Variants in SRRD observed in about 807,000 individuals in gnomAD.
SRRD encodes SRR1-like protein.
In SRRD, 28 loss-of-function variants were observed where a neutral mutation model predicts 30.7. The observed-to-expected ratio is 0.91, with a 90% CI of 0.68 to 1.25. SRRD has a LOEUF of 1.25. Ranked by LOEUF, SRRD falls within the 50% of genes most tolerant of loss-of-function variation. The pLI is 0.00. For missense variants in SRRD, 415 were observed against 417.3 expected, an observed-to-expected ratio of 0.99 and a Z score of 0.05; for synonymous variants, 161 against 159.6, an observed-to-expected ratio of 1.01 and a Z score of -0.07.
Position 26,492,132 on chromosome 22 carries a change from T to G in SRRD, c.*460T>G. The G allele has an allele frequency of 6.2e-7, 1 of 1,614,128 alleles. No individual in the cohort carries two copies. The highest frequency in any genetic ancestry group is 8.5e-7 in the Non-Finnish European group (1 of 1,180,012). ...ATGCGGCCAAAGGTGTAGAGCTGCT[T>G]CCCTTCGTGTCGCTTCCCAATGACG... On this transcript the variant is annotated 3_prime_UTR_variant, in exon 7 of 7. Transcript: ENST00000215917.
Position 26,494,543 on chromosome 22 carries a change from G to A in SRRD, c.*2871G>A. On this transcript the variant is annotated 3_prime_UTR_variant, in exon 7 of 7. Transcript: ENST00000215917. Reference sequence around the variant, plus strand: ...TCAGCTTCCATGTCTACACAACAGGGATACCATATCCCCTACCCCATAGGG... The same window carrying A: ...TCAGCTTCCATGTCTACACAACAGGAATACCATATCCCCTACCCCATAGGG... 1.4e-6 allele frequency: 1 copy of A among 698,274 alleles called. No homozygotes were observed. The highest frequency in any genetic ancestry group is 2.4e-6 in the Non-Finnish European group (1 of 424,660). 43.3% of individuals were successfully genotyped at this position (698,274 alleles called of 1,614,324 possible). A position where few individuals can be genotyped will look rare whatever the true frequency, so the allele number is the denominator to read the frequency against.
In SRRD at chr22:26,494,084, T is replaced by A; in HGVS notation, c.*2412T>A. The A allele has an allele frequency of 1.3e-6, 2 of 1,592,224 alleles. No individual in the cohort carries two copies. Among genetic ancestry groups the A allele is most frequent in the Admixed American group, 3.4e-5 (2 of 58,760 alleles). On this transcript the variant is annotated 3_prime_UTR_variant, in exon 7 of 7. Coordinates refer to ENST00000215917, the MANE Select transcript of SRRD (RefSeq NM_001013694.3). ...AAACTCTGATTCTGTGTCATTTACA[T>A]GTGTAAAATCTGAAACTTGGGGCCA...
chr22:26,493,503 C>T lies in SRRD; in HGVS notation c.*1831C>T, dbSNP rs1921494988. 6.5e-6 allele frequency: 1 copy of T among 152,768 alleles called. No homozygotes were observed. Among genetic ancestry groups the T allele is most frequent in the African/African-American group, 2.4e-5 (1 of 41,446 alleles). 9.5% of individuals were successfully genotyped at this position (152,768 alleles called of 1,614,324 possible). On this transcript the variant is annotated 3_prime_UTR_variant, in exon 7 of 7. Coordinates refer to ENST00000215917, the MANE Select transcript of SRRD (RefSeq NM_001013694.3). ...TCGGCTAATGAGCAACACTGGAGCA[C>T]AGGACTGGTTGAAATAGGCTCCCAA...
At chr22:26,484,821 CTTA>C (rs1408370556) in intron 1 of SRRD, among the ~76,000 whole-genome samples, 2 of 152,134 alleles carry the variant, frequency 1.3e-5, no homozygotes, top group African/African-American at 4.8e-5. Flanking sequence ...ATAAATGTTA[CTTA>C]TTATTGTTAT....
At chr22:26,490,559 C>CTTTTTTTTTCTTTTTTTT (rs1921028728) in intron 5 of SRRD, among the ~76,000 whole-genome samples, 1 of 51,834 alleles carries the variant, frequency 1.9e-5, no homozygotes, top group Non-Finnish European at 3.4e-5. Context: ...GGAATATTTG[C>CTTTTTTTTTCTTTTTTTT]TTTTTTTTTT....
chr22:26,487,958 C>G, intron 2 of SRRD, 71 bp from the exon 3 acceptor site: 1 of 1,504,146 alleles, frequency 6.6e-7, no homozygotes, highest in Non-Finnish European at 8.9e-7. Context: ...ATGTGAACTT[C>G]TTTTGTGGAT....
intron 2 of SRRD, among the ~76,000 whole-genome samples, 170 bp downstream of exon 2, chr22:26,486,233 G>T (rs2091707820): frequency 6.6e-6 from 1 of 152,188 alleles, no homozygotes; most frequent in African/African-American, 2.4e-5. Context: ...TTCTTTATCT[G>T]TGAAATGGAG....
intron 5 of SRRD, 78 bp from the exon 6 acceptor site, chr22:26,490,947 A>C: frequency 7.4e-7 from 1 of 1,355,630 alleles, no homozygotes. Flanking sequence ...ATGTGTCTTA[A>C]AAGTTGAATG....
At chr22:26,491,211 C>T (rs1311094757) in intron 6 of SRRD, 141 bp downstream of exon 6, 10 of 904,082 alleles carry the variant, frequency 1.1e-5, no homozygotes, top group Non-Finnish European at 1.0e-5. Context: ...GTCTGTGTTC[C>T]AGAAAGCTAT....
At chr22:26,491,287 A>C in intron 6 of SRRD, 176 bp from the exon 7 acceptor site, 1 of 711,140 alleles carries the variant, frequency 1.4e-6, no homozygotes, top group Non-Finnish European at 2.4e-6. Flanking sequence ...AGTCCATGAT[A>C]TCCACTGTCC....
rs1328642144 is a variant in SRRD, at chr22:26,492,023, A to G, written c.*351A>G. On this transcript the variant is annotated 3_prime_UTR_variant, in exon 7 of 7. Transcript: ENST00000215917. ...TGGACCTGCCACAGTTCACTTGGCCATGTCGATCAGGCTCTGCAGTGAGGT... is the reference window on the plus strand; with the variant it reads ...TGGACCTGCCACAGTTCACTTGGCCGTGTCGATCAGGCTCTGCAGTGAGGT... The G allele has an allele frequency of 6.3e-7, 1 of 1,596,690 alleles. No individual in the cohort carries two copies. The highest frequency in any genetic ancestry group is 8.5e-7 in the Non-Finnish European group (1 of 1,171,548).
At chr22:26,491,175 T>C in intron 6 of SRRD, 105 bp downstream of exon 6, 2 of 1,164,412 alleles carry the variant, frequency 1.7e-6, no homozygotes, top group Admixed American at 2.2e-5. Context: ...TAAGTGGCGC[T>C]AGTGTACTGT....
rs1292062962 is a variant in SRRD, at chr22:26,493,428, G to GGGCTTATCTGTAAAACA, written c.*1757_*1773dup. The GGGCTTATCTGTAAAACA allele has an allele frequency of 6.6e-6, 1 of 152,282 alleles. No individual in the cohort carries two copies. The highest frequency in any genetic ancestry group is 1.5e-5 in the Non-Finnish European group (1 of 68,086). The allele number at this position is 152,282 out of a possible 1,614,324, so 9.4% of individuals were successfully genotyped here. The stretch of plus-strand genomic sequence containing the variant: ...CCTTGAACAGGCTCTCAGCCTCGCT[G>GGGCTTATCTGTAAAACA]GGCTTATCTGTAAAACACAGACTAG... On this transcript the variant is annotated 3_prime_UTR_variant, in exon 7 of 7. Transcript: ENST00000215917.
rs908459511 is a variant in SRRD, at chr22:26,494,143, G to A, written c.*2471G>A. 5.6e-6 allele frequency: 9 copies of A among 1,613,788 alleles called. No individual in the cohort carries two copies. The highest frequency in any genetic ancestry group is 7.6e-6 in the Non-Finnish European group (9 of 1,179,720). ...AAAATGGGAATCCTCACTTACCAACGTTGGAGGACACCGCCCGGTTCATGA... is the reference window on the plus strand; with the variant it reads ...AAAATGGGAATCCTCACTTACCAACATTGGAGGACACCGCCCGGTTCATGA... On this transcript the variant is annotated 3_prime_UTR_variant, in exon 7 of 7. Transcript: ENST00000215917.
In SRRD at chr22:26,484,006, C is replaced by T. The variant is rs1483024429; in HGVS notation, c.116C>T (p.Ala39Val). The T allele has an allele frequency of 9.5e-5, 128 of 1,349,972 alleles. No homozygotes were observed. Among genetic ancestry groups the T allele is most frequent in the Middle Eastern group, 2.7e-4 (1 of 3,758 alleles). 83.6% of individuals were successfully genotyped at this position (1,349,972 alleles called of 1,614,324 possible). ...GAGGCGGCGCCCCGGGGGAGAGAGG[C>T]GGCGCCCCGGGGGAGAGAGGCGGCG... is the stretch of plus-strand genomic sequence containing the variant. ...RREAAPRGRE[A>V]APRGREAAPR... is the part of the protein sequence containing the mutation. The change falls in exon 1 of 7, where the codon GCG becomes GTG. Residue 39 changes from alanine to valine, a missense_variant. Ala to Val is a moderately conservative substitution (Grantham distance 64, BLOSUM62 0). Coordinates refer to ENST00000215917, the MANE Select transcript of SRRD (RefSeq NM_001013694.3).
chr22:26,484,294 C>G (rs1327708928), intron 1 of SRRD, among the ~76,000 whole-genome samples, 195 bp downstream of exon 1: 1 of 152,170 alleles, frequency 6.6e-6, no homozygotes, highest in East Asian at 1.9e-4. Context: ...CCTTTTATTA[C>G]GGTTACAGCT....
At chr22:26,491,375 G>T in intron 6 of SRRD, 88 bp from the exon 7 acceptor site, 1 of 1,055,880 alleles carries the variant, frequency 9.5e-7, no homozygotes. Flanking sequence ...AGTAAAGTGG[G>T]GATGACAAGT....
rs553055105 is a variant in SRRD at position 26,492,124 on chromosome 22, G to A, written c.*452G>A. ...AGATCACAATGCGGCCAAAGGTGTA[G>A]AGCTGCTTCCCTTCGTGTCGCTTCC... On this transcript the variant is annotated 3_prime_UTR_variant, in exon 7 of 7. Coordinates refer to ENST00000215917, the MANE Select transcript of SRRD (RefSeq NM_001013694.3). The A allele has an allele frequency of 3.1e-6, 5 of 1,614,188 alleles. No individual in the cohort carries two copies. The highest frequency in any genetic ancestry group is 1.6e-4 in the Middle Eastern group (1 of 6,062).
At position 26,484,097 on chromosome 22, in the gene SRRD, T is replaced by C; in HGVS notation, c.207T>C (p.Ala69=). The stretch of plus-strand genomic sequence containing the variant: ...TCGTGCTTCGTCGCATCTGGGAGGC[T>C]GAGTGAGTGCAGGCTCGGCCCTGAT... The part of the protein sequence containing the change: ...SGVVLRRIWE[A]EKDLFISDFW... The change falls in exon 1 of 7, where the codon GCT becomes GCC. Residue 69 remains alanine, a splice_region_variant and synonymous_variant. Transcript: ENST00000215917. The C allele has an allele frequency of 1.4e-5, 21 of 1,510,052 alleles. No individual in the cohort carries two copies. The highest frequency in any genetic ancestry group is 1.9e-5 in the Non-Finnish European group (21 of 1,134,934). 93.5% of individuals were successfully genotyped at this position (1,510,052 alleles called of 1,614,324 possible).
Sources: gnomAD v4.1 joint callset for allele counts (sites outside exome capture counted in the v4.1 genomes callset) on GRCh38, gnomAD v4.1.1 for gene constraint, MANE v1.5 for transcripts, NCBI Gene and HGNC (gene_info 2026-07-23, HGNC 2026-07-21) for gene names.